The following RBFOX1 variants were observed in gnomAD, a reference collection of about 807,000 sequenced individuals.
RBFOX1 encodes RNA binding protein fox-1 homolog 1.
A neutral mutation model predicts 57.7 loss-of-function variants in RBFOX1; 8 were observed. The ratio of observed to expected loss-of-function variants is 0.14; its 90% CI spans 0.08 to 0.25. The LOEUF (loss-of-function observed/expected upper bound fraction) is 0.25. Ranked by LOEUF, RBFOX1 falls within the 10% of genes least tolerant of loss-of-function variation. The pLI is 1.00. For synonymous variants in RBFOX1, 326 were observed against 222.4 expected (o/e 1.47, Z -4.15); for missense variants, 611 against 548.5 (o/e 1.11, Z -1.14).
At chr16:7,385,202 G>C (rs1391730900) in intron 4 of RBFOX1, among the ~76,000 whole-genome samples, 2 of 152,194 alleles carry the variant, frequency 1.3e-5, no homozygotes, top group Non-Finnish European at 2.9e-5. Flanking sequence ...CGGATGCAGA[G>C]ATTTGCATTT....
In RBFOX1 at chr16:7,569,919, GTAAGTACTGATACTTGATTGT is replaced by G. The variant is rs368280581; in HGVS notation, c.271-9855_271-9835del. Reference sequence around the variant, plus strand: ...AACTTGATTTAACTTCAATTTGAATGTAAGTACTGATACTTGATTGTTATTAGTTTGTTTGGGGGATCCTTC... The same window carrying G: ...AACTTGATTTAACTTCAATTTGAATGTATTAGTTTGTTTGGGGGATCCTTC... On this transcript the variant is annotated intron_variant, in intron 5 of 15. Transcript: ENST00000550418. Among the ~76,000 whole-genome samples, 864 of 152,240 alleles carry G rather than the reference GTAAGTACTGATACTTGATTGT, an allele frequency of 5.7e-3. 5 individuals are homozygous for G. Among genetic ancestry groups the G allele is most frequent in the African/African-American group, 0.017 (705 of 41,534 alleles).
At chr16:6,438,595 G>A (rs370334500) in intron 2 of RBFOX1, among the ~76,000 whole-genome samples, 2 of 152,122 alleles carry the variant, frequency 1.3e-5, no homozygotes, top group African/African-American at 2.4e-5. Context: ...CAAATAAATC[G>A]AATTACTTAC....
chr16:6,780,199 T>A lies in RBFOX1; in HGVS notation c.-16+125549T>A, dbSNP rs1395223975. ...TATATTTATATATATATTTATATAT[T>A]TTTATATATTTATATATATTTATAT... On this transcript the variant is annotated intron_variant, in intron 3 of 15. Coordinates refer to ENST00000550418, the MANE Select transcript of RBFOX1 (RefSeq NM_018723.4). Among the ~76,000 whole-genome samples the A allele has an allele frequency of 7.4e-4, 15 of 20,346 alleles. 2 individuals are homozygous for A. Among genetic ancestry groups the A allele is most frequent in the African/African-American group, 5.0e-3 (9 of 1,808 alleles). 13.3% of individuals were successfully genotyped at this position (20,346 alleles called of 152,430 possible).
intron 4 of RBFOX1, among the ~76,000 whole-genome samples, chr16:7,252,998 G>C (rs1264859370): frequency 6.6e-6 from 1 of 152,112 alleles, no homozygotes. Flanking sequence ...AGCATCTTGA[G>C]CCTCTGATAA....
intron 4 of RBFOX1, among the ~76,000 whole-genome samples, chr16:5,875,706 G>A (rs796261931): frequency 6.6e-5 from 10 of 152,264 alleles, no homozygotes; most frequent in South Asian, 2.1e-4. Flanking sequence ...TCCTAAGAGT[G>A]TTTCAGAAGC....
intron 3 of RBFOX1, among the ~76,000 whole-genome samples, chr16:5,742,238 C>CCCTT (rs1372150481): frequency 8.7e-6 from 1 of 115,316 alleles, no homozygotes; most frequent in African/African-American, 3.0e-5. Context: ...CTTCCTTCCT[C>CCCTT]CCTTCCTTCC....
intron 3 of RBFOX1, among the ~76,000 whole-genome samples, chr16:6,963,432 G>C (rs543355492): frequency 3.9e-5 from 6 of 152,220 alleles, no homozygotes; most frequent in African/African-American, 1.4e-4. Flanking sequence ...TCTACCAAAT[G>C]GTTGGTGACA....
chr16:7,113,952 T>TA (rs369050256), intron 4 of RBFOX1, among the ~76,000 whole-genome samples: 8 of 152,160 alleles, frequency 5.3e-5, no homozygotes, highest in Non-Finnish European at 8.8e-5. Flanking sequence ...ACTTGAGCTT[T>TA]AAAAAAAATC....
intron 3 of RBFOX1, among the ~76,000 whole-genome samples, chr16:6,701,535 G>T (rs995104807): frequency 6.6e-6 from 1 of 152,192 alleles, no homozygotes. Context: ...TTCTGGTGAG[G>T]CCTCAGGAAG....
At chr16:6,731,698 A>C (rs796795182) in intron 3 of RBFOX1, among the ~76,000 whole-genome samples, 1 of 152,014 alleles carries the variant, frequency 6.6e-6, no homozygotes, top group African/African-American at 2.4e-5. Context: ...AAGTTTTCCC[A>C]CATGACTAGG....
intron 3 of RBFOX1, among the ~76,000 whole-genome samples, chr16:6,979,368 G>C (rs1294414615): frequency 9.1e-6 from 1 of 109,986 alleles, no homozygotes; most frequent in East Asian, 2.6e-4. Flanking sequence ...GAAAACATTA[G>C]TTGAACCTGA....
intron 4 of RBFOX1, among the ~76,000 whole-genome samples, chr16:7,413,176 C>A (rs2098446306): frequency 6.6e-6 from 1 of 152,158 alleles, no homozygotes; most frequent in Non-Finnish European, 1.5e-5. Context: ...CAATTCCTTT[C>A]ATAACACCAG....
chr16:7,464,987 G>T (rs1439788779), intron 4 of RBFOX1, among the ~76,000 whole-genome samples: 1 of 151,746 alleles, frequency 6.6e-6, no homozygotes, highest in Admixed American at 6.6e-5. Flanking sequence ...ATGAGCCACC[G>T]AGCCCAGCTA....
chr16:5,934,712 A>G (rs1046168062), intron 4 of RBFOX1, among the ~76,000 whole-genome samples: 2 of 152,258 alleles, frequency 1.3e-5, no homozygotes, highest in African/African-American at 4.8e-5. Flanking sequence ...GTGCCCCATA[A>G]ATATGTATAA....
chr16:7,050,110 C>G (rs1598101855), intron 3 of RBFOX1, among the ~76,000 whole-genome samples: 1 of 151,092 alleles, frequency 6.6e-6, no homozygotes, highest in East Asian at 1.9e-4. Context: ...ACATAATTTA[C>G]ATAATATAAA....
chr16:6,045,044 G>T (rs977605546), intron 1 of RBFOX1, among the ~76,000 whole-genome samples: 1 of 152,220 alleles, frequency 6.6e-6, no homozygotes, highest in African/African-American at 2.4e-5. Context: ...ACTCTGATTT[G>T]ATTGGTCTTG....
intron 3 of RBFOX1, among the ~76,000 whole-genome samples, chr16:6,728,354 A>C (rs963657967): frequency 9.9e-6 from 1 of 101,032 alleles, no homozygotes; most frequent in African/African-American, 3.1e-5. Flanking sequence ...CTGTATAAAC[A>C]GTTAAATCCC....
chr16:7,225,221 A>T (rs970253778), intron 4 of RBFOX1, among the ~76,000 whole-genome samples: 1 of 152,088 alleles, frequency 6.6e-6, no homozygotes, highest in Non-Finnish European at 1.5e-5. Flanking sequence ...TCCATGGGTG[A>T]TATGGGTTGG....
At chr16:7,044,699 G>C (rs567522528) in intron 3 of RBFOX1, among the ~76,000 whole-genome samples, 1 of 146,862 alleles carries the variant, frequency 6.8e-6, no homozygotes, top group Non-Finnish European at 1.5e-5. Context: ...ACTGCCATGG[G>C]AGAAAAAAAA....
Sources: allele counts gnomAD v4.1 joint callset (sites outside exome capture counted in the v4.1 genomes callset), GRCh38; gene constraint gnomAD v4.1.1; transcripts MANE v1.5; gene names NCBI Gene and HGNC (gene_info 2026-07-23, HGNC 2026-07-21).